The following GABRB1 variants were observed in gnomAD, a reference collection of about 807,000 sequenced individuals.
GABRB1 encodes gamma-aminobutyric acid type A receptor subunit beta1.
In GABRB1, 17 loss-of-function variants were observed where a neutral mutation model predicts 51.6. The ratio of observed to expected loss-of-function variants is 0.33; its 90% CI spans 0.23 to 0.49. GABRB1 has a LOEUF of 0.49. GABRB1 is among the 20% of genes least tolerant of loss of function. GABRB1 has a pLI of 0.99. For missense variants in GABRB1, 410 were observed against 600.6 expected, an observed-to-expected ratio of 0.68 and a Z score of 3.32; for synonymous variants, 247 against 218.9, an observed-to-expected ratio of 1.13 and a Z score of -1.14.
At chr4:47,111,679 C>T (rs191292824) in intron 3 of GABRB1, among the ~76,000 whole-genome samples, 4 of 151,994 alleles carry the variant, frequency 2.6e-5, no homozygotes, top group East Asian at 3.9e-4. Context: ...GCCTGGGAAA[C>T]ATGGCAAAAC....
chr4:47,378,581 G>C (rs564610241), intron 5 of GABRB1, among the ~76,000 whole-genome samples: 1 of 152,178 alleles, frequency 6.6e-6, no homozygotes, highest in African/African-American at 2.4e-5. Flanking sequence ...GAGAGCCAGC[G>C]AGGGCTGTGA....
chr4:47,291,772 T>C (rs1019443591), intron 4 of GABRB1, among the ~76,000 whole-genome samples: 1 of 152,214 alleles, frequency 6.6e-6, no homozygotes, highest in African/African-American at 2.4e-5. Context: ...AACCCCTTTG[T>C]TTTGGCCAGT....
intron 8 of GABRB1, among the ~76,000 whole-genome samples, chr4:47,420,789 G>A (rs1018022087): frequency 6.6e-6 from 1 of 152,160 alleles, no homozygotes; most frequent in South Asian, 2.1e-4. Context: ...CTTCTCCAAG[G>A]GGAATGGGTT....
At chr4:47,390,947 G>A (rs1326280528) in intron 5 of GABRB1, among the ~76,000 whole-genome samples, 1 of 152,096 alleles carries the variant, frequency 6.6e-6, no homozygotes, top group African/African-American at 2.4e-5. Context: ...GGAGGCCGAG[G>A]GGGACGGGTC....
intron 5 of GABRB1, among the ~76,000 whole-genome samples, chr4:47,378,854 TCA>T (rs1235008744): frequency 6.6e-6 from 1 of 152,114 alleles, no homozygotes; most frequent in Non-Finnish European, 1.5e-5. Context: ...TGATTTAATT[TCA>T]CAGAGGAGGT....
At chr4:46,996,565 G>T (rs983488159) in intron 1 of GABRB1, among the ~76,000 whole-genome samples, 2 of 152,028 alleles carry the variant, frequency 1.3e-5, no homozygotes, top group African/African-American at 4.8e-5. Context: ...GTTCTTATAG[G>T]CCATGGACAA....
At chr4:47,174,520 T>C (rs1176948097) in intron 4 of GABRB1, among the ~76,000 whole-genome samples, 1 of 152,178 alleles carries the variant, frequency 6.6e-6, no homozygotes, top group Non-Finnish European at 1.5e-5. Flanking sequence ...TAGCATATAA[T>C]TATAAAATGT....
At chr4:47,201,650 A>G (rs1265395084) in intron 4 of GABRB1, among the ~76,000 whole-genome samples, 1 of 152,166 alleles carries the variant, frequency 6.6e-6, no homozygotes, top group South Asian at 2.1e-4. Flanking sequence ...GGGTATATAT[A>G]TGTTTTATTA....
chr4:47,110,035 G>A (rs1053947930), intron 3 of GABRB1, among the ~76,000 whole-genome samples: 1 of 152,112 alleles, frequency 6.6e-6, no homozygotes, highest in African/African-American at 2.4e-5. Context: ...CAAGAAGGGG[G>A]CTGTAACCAG....
intron 5 of GABRB1, among the ~76,000 whole-genome samples, chr4:47,394,971 AG>A (rs1289498959): frequency 6.6e-6 from 1 of 152,166 alleles, no homozygotes; most frequent in Non-Finnish European, 1.5e-5. Flanking sequence ...ATCTGAGTTA[AG>A]TAGACAGACA....
intron 1 of GABRB1, among the ~76,000 whole-genome samples, chr4:47,019,342 G>C (rs1209810156): frequency 1.3e-5 from 2 of 151,988 alleles, no homozygotes; most frequent in African/African-American, 4.8e-5. Context: ...TCAAAAGTTT[G>C]AAAACCCCAG....
intron 3 of GABRB1, among the ~76,000 whole-genome samples, chr4:47,052,176 G>A (rs775079373): frequency 6.6e-6 from 1 of 152,096 alleles, no homozygotes; most frequent in African/African-American, 2.4e-5. Flanking sequence ...CAGCATACAG[G>A]AAGCAGAAGA....
intron 3 of GABRB1, among the ~76,000 whole-genome samples, chr4:47,066,665 A>G (rs1333002951): frequency 6.6e-6 from 1 of 152,192 alleles, no homozygotes; most frequent in East Asian, 1.9e-4. Context: ...GATTGCAACA[A>G]TTCAGTCACA....
intron 3 of GABRB1, among the ~76,000 whole-genome samples, chr4:47,067,240 G>A (rs1471018445): frequency 6.6e-6 from 1 of 152,168 alleles, no homozygotes; most frequent in African/African-American, 2.4e-5. Flanking sequence ...ATAGAGCACA[G>A]GAAGAGTAGA....
chr4:47,257,500 T>C (rs1722259217), intron 4 of GABRB1, among the ~76,000 whole-genome samples: 1 of 151,562 alleles, frequency 6.6e-6, no homozygotes, highest in Non-Finnish European at 1.5e-5. Flanking sequence ...TCTTGAAATC[T>C]CACAGTTTGA....
intron 4 of GABRB1, among the ~76,000 whole-genome samples, chr4:47,247,892 C>A (rs958744347): frequency 6.6e-6 from 1 of 151,934 alleles, no homozygotes; most frequent in Admixed American, 6.6e-5. Context: ...ATTCTTTTAT[C>A]AGTTCTTGGA....
chr4:47,318,488 C>T (rs561811092), intron 4 of GABRB1, among the ~76,000 whole-genome samples: 94 of 151,986 alleles, frequency 6.2e-4, no homozygotes, highest in Admixed American at 2.6e-3. Context: ...CTGATGGTGC[C>T]TCACACTTCC....
intron 4 of GABRB1, among the ~76,000 whole-genome samples, chr4:47,270,263 G>A (rs551369844): frequency 3.3e-5 from 5 of 152,226 alleles, no homozygotes; most frequent in African/African-American, 1.2e-4. Flanking sequence ...AGCTACTGTT[G>A]GCAGTCTGTT....
intron 5 of GABRB1, among the ~76,000 whole-genome samples, chr4:47,320,500 G>A (rs745765141): frequency 1.3e-4 from 20 of 152,140 alleles, no homozygotes; most frequent in African/African-American, 1.9e-4. Flanking sequence ...AAAAAGAAAG[G>A]AAAGACATTT....
Sources: gnomAD v4.1 joint callset for allele counts (sites outside exome capture counted in the v4.1 genomes callset) on GRCh38, gnomAD v4.1.1 for gene constraint, MANE v1.5 for transcripts, NCBI Gene and HGNC (gene_info 2026-07-23, HGNC 2026-07-21) for gene names.